THSD7A: variants seen among roughly 807,000 people sequenced by gnomAD.
THSD7A encodes thrombospondin type 1 domain containing 7A, also known as thrombospondin type-1 domain-containing protein 7A.
THSD7A carries 96 observed loss-of-function variants against 231.3 expected under a neutral mutation model. The ratio of observed to expected loss-of-function variants is 0.41; its 90% confidence interval spans 0.35 to 0.49. The LOEUF (loss-of-function observed/expected upper bound fraction) is 0.49. Ranked by LOEUF, THSD7A falls within the 20% of genes least tolerant of loss-of-function variation. THSD7A has a pLI of 0.05. For missense variants in THSD7A, 2,290 were observed against 2,070.2 expected (o/e 1.11, Z -2.06); for synonymous variants, 940 against 743.3 (o/e 1.26, Z -4.30).
At position 11,712,870 on chromosome 7, in the gene THSD7A, T is replaced by A. The variant is rs147990359; in HGVS notation, c.191-75909A>T. Among the ~76,000 whole-genome samples the A allele has an allele frequency of 2.9e-4, 44 of 151,222 alleles. No homozygotes were observed. In the East Asian group the frequency reaches 8.6e-3, roughly 30 times the overall value. On this transcript the variant is annotated intron_variant, in intron 1 of 27. Coordinates refer to ENST00000423059, the MANE Select transcript of THSD7A (RefSeq NM_015204.3). ...AAAATGTAAGTCAAAGAAAAGGGTATAATTCATTCCCAGAGCAGAAAATAA... is the reference window on the plus strand; with the variant it reads ...AAAATGTAAGTCAAAGAAAAGGGTAAAATTCATTCCCAGAGCAGAAAATAA...
At chr7:11,624,982 A>G (rs1781433048) in intron 2 of THSD7A, among the ~76,000 whole-genome samples, 1 of 152,112 alleles carries the variant, frequency 6.6e-6, no homozygotes, top group Admixed American at 6.6e-5. Flanking sequence ...ACACCATTTT[A>G]CAAACCAAAA....
intron 1 of THSD7A, among the ~76,000 whole-genome samples, chr7:11,782,939 TTTTG>T (rs929185598): frequency 5.3e-5 from 8 of 152,152 alleles, no homozygotes; most frequent in African/African-American, 1.7e-4. Flanking sequence ...AAACTGTGTT[TTTTG>T]TTTGTTTGTT....
At chr7:11,536,920 T>C (rs924912845) in intron 6 of THSD7A, among the ~76,000 whole-genome samples, 3 of 152,194 alleles carry the variant, frequency 2.0e-5, no homozygotes, top group Non-Finnish European at 4.4e-5. Flanking sequence ...TTTAATAATA[T>C]ATGTCTGAAA....
At chr7:11,732,030 T>C (rs9692106) in intron 1 of THSD7A, among the ~76,000 whole-genome samples, 110,737 of 151,460 alleles carry the variant, frequency 0.73, 40,553 homozygotes, top group South Asian at 0.79. Context: ...CACATTTATG[T>C]ATATATTAAG....
chr7:11,759,278 G>A (rs1366565682), intron 1 of THSD7A, among the ~76,000 whole-genome samples: 1 of 152,050 alleles, frequency 6.6e-6, no homozygotes, highest in African/African-American at 2.4e-5. Context: ...TATGCTAAAG[G>A]AAGAGGCAAA....
At chr7:11,418,975 A>G (rs182420986) in intron 16 of THSD7A, among the ~76,000 whole-genome samples, 39 of 152,264 alleles carry the variant, frequency 2.6e-4, no homozygotes, top group African/African-American at 7.2e-4. Context: ...TCTACCTTCA[A>G]TATCATTAAA....
chr7:11,415,046 G>T (rs565690061), intron 17 of THSD7A, among the ~76,000 whole-genome samples: 5 of 152,290 alleles, frequency 3.3e-5, no homozygotes, highest in South Asian at 2.1e-4. Flanking sequence ...CATCCTAAAG[G>T]TTTCTTCACA....
At chr7:11,573,442 C>A (rs547661691) in intron 4 of THSD7A, among the ~76,000 whole-genome samples, 1 of 152,346 alleles carries the variant, frequency 6.6e-6, no homozygotes, top group South Asian at 2.1e-4. Context: ...TGACACTATT[C>A]TTGTCTTCAC....
chr7:11,545,762 A>T (rs1789353479), intron 4 of THSD7A, among the ~76,000 whole-genome samples: 1 of 152,208 alleles, frequency 6.6e-6, no homozygotes. Flanking sequence ...TTGGAGAGTT[A>T]TCAGGGGCAG....
At chr7:11,724,774 A>G (rs1027813288) in intron 1 of THSD7A, among the ~76,000 whole-genome samples, 8 of 152,062 alleles carry the variant, frequency 5.3e-5, no homozygotes, top group African/African-American at 1.9e-4. Flanking sequence ...TACACAAATC[A>G]GTGCATAAAT....
chr7:11,667,212 A>G (rs1277529101), intron 1 of THSD7A, among the ~76,000 whole-genome samples: 2 of 151,866 alleles, frequency 1.3e-5, no homozygotes, highest in Non-Finnish European at 2.9e-5. Flanking sequence ...CCCTCACCCA[A>G]GCTTCCCCCA....
chr7:11,797,190 G>A (rs1284772708), intron 1 of THSD7A, among the ~76,000 whole-genome samples: 1 of 152,008 alleles, frequency 6.6e-6, no homozygotes, highest in African/African-American at 2.4e-5. Flanking sequence ...CTTACCTTCT[G>A]TCCTCTAACA....
chr7:11,595,029 C>A (rs1337537091), intron 2 of THSD7A, among the ~76,000 whole-genome samples: 2 of 152,204 alleles, frequency 1.3e-5, no homozygotes, highest in Admixed American at 6.5e-5. Context: ...CCAGTAGTGA[C>A]AACATCCACT....
chr7:11,459,968 G>A (rs532350029), intron 11 of THSD7A, among the ~76,000 whole-genome samples: 1 of 152,110 alleles, frequency 6.6e-6, no homozygotes, highest in African/African-American at 2.4e-5. Flanking sequence ...AAATAATCAT[G>A]TGCTCTTTAA....
chr7:11,451,052 T>G (rs1785127239), intron 11 of THSD7A, among the ~76,000 whole-genome samples: 1 of 152,062 alleles, frequency 6.6e-6, no homozygotes, highest in Non-Finnish European at 1.5e-5. Flanking sequence ...ACGGGAAGAA[T>G]CAATATGACT....
At chr7:11,648,223 A>T (rs908157529) in intron 1 of THSD7A, among the ~76,000 whole-genome samples, 1 of 152,062 alleles carries the variant, frequency 6.6e-6, no homozygotes, top group Non-Finnish European at 1.5e-5. Flanking sequence ...CTCCACCATT[A>T]TCCTTTAGAG....
At chr7:11,827,450 AC>A (rs1330471093) in intron 1 of THSD7A, among the ~76,000 whole-genome samples, 1 of 152,050 alleles carries the variant, frequency 6.6e-6, no homozygotes, top group Non-Finnish European at 1.5e-5. Flanking sequence ...GCCTTTCTAA[AC>A]TTTTAAAATA....
chr7:11,766,078 G>C (rs1783020027), intron 1 of THSD7A, among the ~76,000 whole-genome samples: 1 of 152,128 alleles, frequency 6.6e-6, no homozygotes, highest in Non-Finnish European at 1.5e-5. Context: ...AACTACATAT[G>C]TGTGGAAGGG....
intron 13 of THSD7A, among the ~76,000 whole-genome samples, chr7:11,436,778 C>CAT (rs1250155733): frequency 2.6e-5 from 4 of 151,530 alleles, no homozygotes; most frequent in Admixed American, 2.6e-4. Context: ...CTTCTTCCTA[C>CAT]ATTATTTTAT....
Sources: allele counts gnomAD v4.1 joint callset (sites outside exome capture counted in the v4.1 genomes callset), GRCh38; gene constraint gnomAD v4.1.1; transcripts MANE v1.5; gene names NCBI Gene and HGNC (gene_info 2026-07-23, HGNC 2026-07-21).